MAP2K1: variants seen among roughly 807,000 people sequenced by gnomAD.
MAP2K1 encodes dual specificity mitogen-activated protein kinase kinase 1.
MAP2K1 carries 16 observed loss-of-function variants against 46.3 expected under a neutral mutation model. That is an observed-to-expected ratio of 0.35 (90% CI 0.23 to 0.52). The LOEUF is 0.52. MAP2K1 is among the 20% of genes least tolerant of loss of function. The pLI is 0.94. For synonymous variants in MAP2K1, 183 were observed against 185.6 expected, an observed-to-expected ratio of 0.99 and a Z score of 0.11; for missense variants, 263 against 497.1, an observed-to-expected ratio of 0.53 and a Z score of 4.48.
At chr15:66,486,998 C>T (rs142465835) in intron 7 of MAP2K1, among the ~76,000 whole-genome samples, 2 of 152,286 alleles carry the variant, frequency 1.3e-5, no homozygotes, top group African/African-American at 4.8e-5. Context: ...CTTTGTTTGG[C>T]TCAGCAGTGA....
chr15:66,420,950 T>TACATATATATAC (rs2093440291), intron 1 of MAP2K1, among the ~76,000 whole-genome samples: 1 of 64,512 alleles, frequency 1.6e-5, no homozygotes, highest in Non-Finnish European at 3.9e-5. Context: ...CATATATACA[T>TACATATATATAC]ACACATACAT....
intron 1 of MAP2K1, among the ~76,000 whole-genome samples, chr15:66,425,277 T>C (rs2093455007): frequency 6.6e-6 from 1 of 152,230 alleles, no homozygotes; most frequent in South Asian, 2.1e-4. Flanking sequence ...TCTGTTGGTG[T>C]TGAGCACAGC....
intron 2 of MAP2K1, among the ~76,000 whole-genome samples, chr15:66,435,488 G>T (rs1181926885): frequency 6.6e-6 from 1 of 151,874 alleles, no homozygotes; most frequent in Non-Finnish European, 1.5e-5. Flanking sequence ...ACCATGCATG[G>T]CTAATTTTTT....
intron 1 of MAP2K1, among the ~76,000 whole-genome samples, chr15:66,402,264 T>C (rs1301627757): frequency 6.6e-6 from 1 of 152,234 alleles, no homozygotes; most frequent in Non-Finnish European, 1.5e-5. Context: ...TCTAACCTTT[T>C]TCCCCCTTTT....
intron 3 of MAP2K1, among the ~76,000 whole-genome samples, chr15:66,441,517 C>A (rs370442502): frequency 6.6e-5 from 10 of 151,726 alleles, no homozygotes; most frequent in Admixed American, 2.0e-4. Context: ...CAAAAAAAAT[C>A]AAAAATAGCT....
At chr15:66,389,571 GGTT>G (rs1307238860) in intron 1 of MAP2K1, among the ~76,000 whole-genome samples, 6,783 of 112,822 alleles carry the variant, frequency 0.06, 214 homozygotes, top group Middle Eastern at 0.11. Context: ...GCTCTGTTGT[GGTT>G]TTTTTTTTTT....
chr15:66,424,042 C>T (rs572641597), intron 1 of MAP2K1, among the ~76,000 whole-genome samples: 17 of 148,886 alleles, frequency 1.1e-4, no homozygotes, highest in South Asian at 4.4e-4. Context: ...TGTGAGCCAC[C>T]GCACCCAGCC....
At chr15:66,480,000 G>C (rs1379428686) in intron 5 of MAP2K1, among the ~76,000 whole-genome samples, 1 of 152,026 alleles carries the variant, frequency 6.6e-6, no homozygotes, top group Non-Finnish European at 1.5e-5. Context: ...TGCCTCCCAG[G>C]TTCAAGTGAT....
intron 1 of MAP2K1, among the ~76,000 whole-genome samples, chr15:66,417,072 C>T (rs999876351): frequency 6.6e-6 from 1 of 152,148 alleles, no homozygotes; most frequent in African/African-American, 2.4e-5. Flanking sequence ...GGACCAGATC[C>T]CACTGTGAAC....
In MAP2K1 at chr15:66,428,098, C is replaced by T. The variant is rs77193074; in HGVS notation, c.81-6929C>T. On this transcript the variant is annotated intron_variant, in intron 1 of 10. Coordinates refer to ENST00000307102, the MANE Select transcript of MAP2K1 (RefSeq NM_002755.4). ...ACCCAGATAGCCTGACTCCCAGGTT[C>T]GGGTCAGGGTACATTTTTATGTATC... 5.0e-3 allele frequency among the ~76,000 whole-genome samples: 756 copies of T among 152,144 alleles called. 6 individuals are homozygous for T. The highest frequency in any genetic ancestry group is 0.017 in the African/African-American group (714 of 41,498).
At chr15:66,420,605 TAAATAAATTTACCTTATTTATTTTTCA>T (rs976074550) in intron 1 of MAP2K1, among the ~76,000 whole-genome samples, 1 of 150,658 alleles carries the variant, frequency 6.6e-6, no homozygotes, top group Admixed American at 6.6e-5. Context: ...ATTGAAAAGG[TAAATAAATTTACCTTATTTATTTTTCA>T]AAATAAATTT....
chr15:66,489,051 T>C, intron 8 of MAP2K1, 164 bp from the exon 9 acceptor site: 5 of 682,298 alleles, frequency 7.3e-6, no homozygotes, highest in Non-Finnish European at 1.3e-5. Context: ...GCACTGGCCT[T>C]CTACCTGTGC....
Position 66,436,829 on chromosome 15 carries a change from C to G in MAP2K1, c.375C>G (p.Tyr125Ter), listed in dbSNP as rs2093489409. The G allele has an allele frequency of 1.2e-6, 2 of 1,614,226 alleles. No individual in the cohort carries two copies. The highest frequency in any genetic ancestry group is 1.7e-6 in the Non-Finnish European group (2 of 1,180,028). The stretch of plus-strand genomic sequence containing the variant: ...TTCTGCATGAGTGCAACTCTCCGTA[C>G]ATCGTGGGCTTCTATGGTGCGTTCT... The part of the protein sequence containing the change: ...LQVLHECNSP[Y>*]IVGFYGAFYS... Residue 125 changes from tyrosine (Y) to a stop codon, truncating the protein, a stop_gained, in exon 3 of 11, where the codon TAC becomes TAG. Transcript: ENST00000307102. LOFTEE classifies it high-confidence loss of function.
chr15:66,389,026 C>A (rs1051376745), intron 1 of MAP2K1, among the ~76,000 whole-genome samples: 3 of 151,308 alleles, frequency 2.0e-5, no homozygotes, highest in African/African-American at 7.3e-5. Flanking sequence ...CCTGCCTCAG[C>A]CTCCCGAGTA....
intron 7 of MAP2K1, 112 bp downstream of exon 7, chr15:66,485,303 T>C (rs1595886412): frequency 1.9e-6 from 2 of 1,073,442 alleles, no homozygotes; most frequent in East Asian, 5.2e-5. Context: ...TGATTCTCTG[T>C]CCCTGGATGC....
intron 8 of MAP2K1, chr15:66,488,665 T>A (rs2140681826): frequency 5.3e-6 from 1 of 188,828 alleles, no homozygotes; most frequent in African/African-American, 2.4e-5. Context: ...CTCTGTCAGT[T>A]AATGTTTTAT....
chr15:66,393,963 A>G (rs779552175), intron 1 of MAP2K1, among the ~76,000 whole-genome samples: 1 of 152,202 alleles, frequency 6.6e-6, no homozygotes, highest in Non-Finnish European at 1.5e-5. Flanking sequence ...AGCGCTGATC[A>G]CTAACTGATG....
intron 5 of MAP2K1, among the ~76,000 whole-genome samples, chr15:66,477,119 C>T (rs1892771371): frequency 6.6e-6 from 1 of 152,240 alleles, no homozygotes; most frequent in Non-Finnish European, 1.5e-5. Flanking sequence ...TCTCCAACCC[C>T]TTCCATCTCT....
chr15:66,482,774 T>C (rs1406562691), intron 6 of MAP2K1, among the ~76,000 whole-genome samples: 1 of 152,122 alleles, frequency 6.6e-6, no homozygotes, highest in Non-Finnish European at 1.5e-5. Context: ...AAAACATTTC[T>C]GAGAATGATT....
Sources: gnomAD v4.1 joint callset for allele counts (sites outside exome capture counted in the v4.1 genomes callset) on GRCh38, gnomAD v4.1.1 for gene constraint, MANE v1.5 for transcripts, NCBI Gene and HGNC (gene_info 2026-07-23, HGNC 2026-07-21) for gene names.